The following ZNF556 variants were observed in gnomAD, a reference collection of about 807,000 sequenced individuals.
ZNF556 encodes zinc finger protein 556.
Under a neutral mutation model 13.6 loss-of-function variants are expected in ZNF556, and 11 were observed. That is an observed-to-expected ratio of 0.81 (90% CI 0.51 to 1.33). The LOEUF (loss-of-function observed/expected upper bound fraction) is 1.33, where lower values mean the gene tolerates loss of function less well. Ranked by LOEUF, ZNF556 falls within the 40% of genes most tolerant of loss-of-function variation. The probability of loss-of-function intolerance (pLI) is 0.00; values close to 1 mark genes in which losing one functional copy is unlikely to be tolerated. For missense variants in ZNF556, 633 were observed against 566.2 expected, an observed-to-expected ratio of 1.12 and a Z score of -1.20; for synonymous variants, 229 against 207.8, an observed-to-expected ratio of 1.10 and a Z score of -0.88.
At position 2,882,399 on chromosome 19, in the gene ZNF556, G is replaced by A. The variant is rs1270892867; in HGVS notation, c.*4070G>A. On this transcript the variant is annotated 3_prime_UTR_variant, in exon 4 of 4. Transcript: ENST00000307635. The stretch of plus-strand genomic sequence containing the variant: ...GCAGAGATCGAACCACTACACTCCA[G>A]CCTGGGCGACTGAGTGGGACTCTGT... 1 of 151,354 alleles carries A rather than the reference G, an allele frequency of 6.6e-6. No homozygotes were observed. Among genetic ancestry groups the A allele is most frequent in the Admixed American group, 6.6e-5 (1 of 15,130 alleles). 9.4% of individuals were successfully genotyped at this position (151,354 alleles called of 1,614,324 possible).
At chr19:2,872,232 C>CG (rs1487253984) in intron 1 of ZNF556, among the ~76,000 whole-genome samples, 2 of 152,060 alleles carry the variant, frequency 1.3e-5, no homozygotes, top group Non-Finnish European at 2.9e-5. Flanking sequence ...TAAACTCCCC[C>CG]GGGGGAAGGG....
In ZNF556 at chr19:2,878,076, A is replaced by G; in HGVS notation, c.1118A>G (p.Glu373Gly). The change falls in exon 4 of 4, where the codon GAA (glutamate) becomes GGA (glycine). Residue 373 changes from glutamate to glycine, a missense_variant. By Grantham distance (98) the Glu-to-Gly change is moderately conservative. Coordinates refer to ENST00000307635, the MANE Select transcript of ZNF556 (RefSeq NM_024967.3). ...ACTAGAGAGAAAGTCTATAAATGTG[A>G]AACGTGTGGGAAAACGTATGGTTGG... ...SQTREKVYKC[E>G]TCGKTYGWSS... 1 of 1,614,204 alleles carries G rather than the reference A, an allele frequency of 6.2e-7. No individual in the cohort carries two copies. The highest frequency in any genetic ancestry group is 8.5e-7 in the Non-Finnish European group (1 of 1,180,032).
At position 2,876,035 on chromosome 19, in the gene ZNF556, A is replaced by C; in HGVS notation, c.131-58A>C. 2.1e-6 allele frequency: 3 copies of C among 1,434,110 alleles called. No homozygotes were observed. The South Asian group carries it at 3.9e-5, about 19-fold the overall frequency. 88.8% of individuals were successfully genotyped at this position (1,434,110 alleles called of 1,614,324 possible). A position where few individuals can be genotyped will look rare whatever the true frequency, so the allele number is the denominator to read the frequency against. On this transcript the variant is annotated intron_variant, in intron 2 of 3. Coordinates refer to ENST00000307635, the MANE Select transcript of ZNF556 (RefSeq NM_024967.3). ...AGTCATGAAACAATTAAACACCTGA[A>C]TTACTTCTTTCTTTGCAGATGCCTT...
intron 3 of ZNF556, 60 bp from the exon 4 acceptor site, chr19:2,877,212 AG>A: frequency 7.3e-7 from 1 of 1,373,292 alleles, no homozygotes; most frequent in South Asian, 1.5e-5. Context: ...CTCCATCTCA[AG>A]GAAAAAAAAA....
rs898349182 is a variant in ZNF556 at position 2,867,550 on chromosome 19, C to T, written c.3+126C>T. ...CCCCATGCAGCCTCTGTCCCTGTGTCACCCCCGGGTCCTGCGGGGAGTTTC... is the reference window on the plus strand; with the variant it reads ...CCCCATGCAGCCTCTGTCCCTGTGTTACCCCCGGGTCCTGCGGGGAGTTTC... On this transcript the variant is annotated intron_variant, in intron 1 of 3. Transcript: ENST00000307635. 33 of 1,385,734 alleles carry T rather than the reference C, an allele frequency of 2.4e-5. No individual in the cohort carries two copies. The African/African-American group carries it at 4.4e-4, about 19-fold the overall frequency. 85.8% of individuals were successfully genotyped at this position (1,385,734 alleles called of 1,614,324 possible). A position where few individuals can be genotyped will look rare whatever the true frequency, so the allele number is the denominator to read the frequency against.
intron 3 of ZNF556, among the ~76,000 whole-genome samples, chr19:2,876,495 G>A (rs562919048): frequency 1.1e-4 from 16 of 152,268 alleles, no homozygotes; most frequent in East Asian, 3.9e-4. Flanking sequence ...CGAGGGAGGC[G>A]GATCACCTGG....
rs141440470 is a variant in ZNF556, at chr19:2,874,593, A to C, written c.130+971A>C. ...CCCTGTCTCTACTAAAAATACAAAAAATTAGCCAGGTGTGGCGGAGGGCAC... is the reference window on the plus strand; with the variant it reads ...CCCTGTCTCTACTAAAAATACAAAACATTAGCCAGGTGTGGCGGAGGGCAC... On this transcript the variant is annotated intron_variant, in intron 2 of 3. Transcript: ENST00000307635. 9.0e-3 allele frequency among the ~76,000 whole-genome samples: 1,371 copies of C among 151,704 alleles called. 22 individuals carry two copies. The highest frequency in any genetic ancestry group is 0.032 in the African/African-American group (1,308 of 41,348).
intron 1 of ZNF556, 41 bp downstream of exon 1, chr19:2,867,465 G>A (rs375404451): frequency 6.4e-7 from 1 of 1,573,308 alleles, no homozygotes; most frequent in Non-Finnish European, 8.6e-7. Context: ...CGGAGCCCTG[G>A]GAGGGGAGGG....
At position 2,877,802 on chromosome 19, in the gene ZNF556, G is replaced by C. The variant is rs768949953; in HGVS notation, c.844G>C (p.Ala282Pro). Residue 282 changes from alanine (A) to proline (P), a missense_variant, in exon 4 of 4, where the codon GCC becomes CCC. Transcript: ENST00000307635. Reference protein sequence around the residue: ...KSFRVHMIMHAGGRPYECKQC... With the variant: ...KSFRVHMIMHPGGRPYECKQC... Reference sequence around the variant, plus strand: ...CTTTCGAGTCCATATGATCATGCACGCCGGAGGGAGACCGTATGAGTGCAA... The same window carrying C: ...CTTTCGAGTCCATATGATCATGCACCCCGGAGGGAGACCGTATGAGTGCAA... 6.2e-7 allele frequency: 1 copy of C among 1,613,950 alleles called. No individual in the cohort carries two copies. The highest frequency in any genetic ancestry group is 1.1e-5 in the South Asian group (1 of 91,070).
intron 1 of ZNF556, among the ~76,000 whole-genome samples, chr19:2,871,599 G>T (rs985457496): frequency 6.6e-6 from 1 of 152,156 alleles, no homozygotes; most frequent in African/African-American, 2.4e-5. Context: ...GGATCACGAG[G>T]CCAGGGGTTC....
At position 2,878,129 on chromosome 19, in the gene ZNF556, A is replaced by G; in HGVS notation, c.1171A>G (p.Lys391Glu). ...CTCATCTTTACACAAACATGAGAGA[A>G]AGCACACTGGGGAGAAACCTGTAAA... is the stretch of plus-strand genomic sequence containing the variant. ...WSSSLHKHER[K>E]HTGEKPVNAA... The change falls in exon 4 of 4, where the codon AAG becomes GAG. Residue 391 changes from lysine to glutamate, a missense_variant. Lys to Glu is a moderately conservative substitution (Grantham distance 56, BLOSUM62 1). Transcript: ENST00000307635. The G allele has an allele frequency of 6.2e-7, 1 of 1,614,154 alleles. No individual in the cohort carries two copies. The highest frequency in any genetic ancestry group is 8.5e-7 in the Non-Finnish European group (1 of 1,180,020).
rs1416591478 is a variant in ZNF556 at position 2,881,829 on chromosome 19, CA to C, written c.*3501del. 6.6e-6 allele frequency: 1 copy of C among 151,976 alleles called. No individual in the cohort carries two copies. Among genetic ancestry groups the C allele is most frequent in the African/African-American group, 2.4e-5 (1 of 41,364 alleles). 9.4% of individuals were successfully genotyped at this position (151,976 alleles called of 1,614,324 possible). Reference sequence around the variant, plus strand: ...AGTAATACAGAAATAACGGCAGGACCAGGGGCAGTGGCTCACACTTGTAATT... The same window carrying C: ...AGTAATACAGAAATAACGGCAGGACCGGGGCAGTGGCTCACACTTGTAATT... On this transcript the variant is annotated 3_prime_UTR_variant, in exon 4 of 4. Transcript: ENST00000307635.
rs1225509589 is a variant in ZNF556, at chr19:2,877,561, AC to A, written c.606del (p.Tyr203MetfsTer20). On this transcript the variant is annotated frameshift_variant, in exon 4 of 4. Coordinates refer to ENST00000307635, the MANE Select transcript of ZNF556 (RefSeq NM_024967.3). LOFTEE classifies it low-confidence loss of function (END_TRUNC). ...ATGAGAAAACTCACAGTGGAGAGAA[AC>A]CCTATGCCTGTCAATCTTGCGGGAA... ...THEKTHSGEK[P>X]YACQSCGKTF... 1.9e-6 allele frequency: 3 copies of A among 1,614,000 alleles called. No individual in the cohort carries two copies. In the African/African-American group the frequency reaches 4.0e-5, roughly 22 times the overall value.
chr19:2,880,333 T>C lies in ZNF556; in HGVS notation c.*2004T>C, dbSNP rs1349804743. 1 of 152,228 alleles carries C rather than the reference T, an allele frequency of 6.6e-6. No individual in the cohort carries two copies. Among genetic ancestry groups the C allele is most frequent in the Admixed American group, 6.5e-5 (1 of 15,272 alleles). The allele number at this position is 152,228 out of a possible 1,614,324, so 9.4% of individuals were successfully genotyped here. On this transcript the variant is annotated 3_prime_UTR_variant, in exon 4 of 4. Transcript: ENST00000307635. ...AGAAGTTGGATTCTATACAAATGGATAAAATGTTTCTTAGAAATAGCCTAT... is the reference window on the plus strand; with the variant it reads ...AGAAGTTGGATTCTATACAAATGGACAAAATGTTTCTTAGAAATAGCCTAT...
In ZNF556 at chr19:2,879,651, T is replaced by G; in HGVS notation, c.*1322T>G. ...GCCACTATGCCTGGCCATATTATCA[T>G]TATCTTAATACCTCATTGTCTCAGT... On this transcript the variant is annotated 3_prime_UTR_variant, in exon 4 of 4. Coordinates refer to ENST00000307635, the MANE Select transcript of ZNF556 (RefSeq NM_024967.3). 1 of 151,926 alleles carries G rather than the reference T, an allele frequency of 6.6e-6. No individual in the cohort carries two copies. The highest frequency in any genetic ancestry group is 1.5e-5 in the Non-Finnish European group (1 of 68,018). 9.4% of individuals were successfully genotyped at this position (151,926 alleles called of 1,614,324 possible).
chr19:2,867,921 C>T (rs919710568), intron 1 of ZNF556, among the ~76,000 whole-genome samples: 2 of 152,140 alleles, frequency 1.3e-5, no homozygotes, highest in Non-Finnish European at 2.9e-5. Context: ...CCAGCCGCCC[C>T]TGCCTGGGCC....
rs1485631153 is a variant in ZNF556, at chr19:2,881,272, A to G, written c.*2943A>G. ...GACATAAAAAGATAACTAATAAAAC[A>G]AGTTTAAACTTTATTGGAGCCCAGT... On this transcript the variant is annotated 3_prime_UTR_variant, in exon 4 of 4. Transcript: ENST00000307635. 1 of 152,236 alleles carries G rather than the reference A, an allele frequency of 6.6e-6. No homozygotes were observed. The highest frequency in any genetic ancestry group is 1.9e-4 in the East Asian group (1 of 5,204). 9.4% of individuals were successfully genotyped at this position (152,236 alleles called of 1,614,324 possible).
rs374901733 is a variant in ZNF556, at chr19:2,876,205, C to T, written c.243C>T (p.Ala81=). The T allele has an allele frequency of 1.2e-6, 2 of 1,609,904 alleles. No homozygotes were observed. The highest frequency in any genetic ancestry group is 1.7e-6 in the Non-Finnish European group (2 of 1,178,880). Residue 81 remains alanine, a synonymous_variant, in exon 3 of 4, where the codon GCC becomes GCT. Coordinates refer to ENST00000307635, the MANE Select transcript of ZNF556 (RefSeq NM_024967.3). ...IEKFTRKNIW[A]SLLGKNWEEH... is the part of the protein sequence containing the mutation. ...AGTTCACAAGAAAGAATATATGGGC[C>T]TCCCTTTTAGGAAAAAATTGGGAAG...
chr19:2,877,701 C>G lies in ZNF556; in HGVS notation c.743C>G (p.Ala248Gly). 1 of 1,613,680 alleles carries G rather than the reference C, an allele frequency of 6.2e-7. No individual in the cohort carries two copies. Among genetic ancestry groups the G allele is most frequent in the African/African-American group, 1.3e-5 (1 of 74,854 alleles). Residue 248 changes from alanine (A) to glycine (G), a missense_variant, in exon 4 of 4, where the codon GCA (alanine) becomes GGA (glycine). By Grantham distance (60) the Ala-to-Gly change is moderately conservative. Coordinates refer to ENST00000307635, the MANE Select transcript of ZNF556 (RefSeq NM_024967.3). ...KGFSCPKSFR[A>G]HVMMHAGGRP... ...TTCAGTTGTCCCAAATCCTTTCGCG[C>G]ACATGTGATGATGCACGCCGGAGGG...
Sources: allele counts gnomAD v4.1 joint callset (sites outside exome capture counted in the v4.1 genomes callset), GRCh38; gene constraint gnomAD v4.1.1; transcripts MANE v1.5; gene names NCBI Gene and HGNC (gene_info 2026-07-23, HGNC 2026-07-21).